Variants in OR2L5 observed in about 807,000 individuals in gnomAD.
OR2L5 encodes olfactory receptor 2L5.
For missense variants in OR2L5, 413 were observed against 381.6 expected (o/e 1.08, Z -0.69); for synonymous variants, 169 against 142.0 (o/e 1.19, Z -1.35).
chr1:248,021,218 A>G (rs1053039715), intron 1 of OR2L5, among the ~76,000 whole-genome samples: 2 of 152,146 alleles, frequency 1.3e-5, no homozygotes, highest in Non-Finnish European at 2.9e-5. Flanking sequence ...AAATGTATAT[A>G]TTTCTTAGAA....
rs1024848537 is a variant in OR2L5, at chr1:248,022,626, A to G, written c.679A>G (p.Met227Val). Residue 227 changes from methionine to valine, a missense_variant, in exon 2 of 2, where the codon ATG becomes GTG. Physicochemically the swap from Met to Val is conservative, Grantham distance 21. Transcript: ENST00000355281. ...YGWVLLAVYR[M>V]HSAEGRKKAY... ...CTGGGTTCTCCTTGCTGTCTACCGC[A>G]TGCACTCTGCAGAAGGGAGGAAAAA... 14 of 1,614,106 alleles carry G rather than the reference A, an allele frequency of 8.7e-6. No homozygotes were observed. Among genetic ancestry groups the G allele is most frequent in the Non-Finnish European group, 1.2e-5 (14 of 1,179,998 alleles).
At chr1:248,021,689 C>G (rs985333120) in intron 1 of OR2L5, among the ~76,000 whole-genome samples, 1 of 152,088 alleles carries the variant, frequency 6.6e-6, no homozygotes, top group Non-Finnish European at 1.5e-5. Context: ...ATTTGCATAA[C>G]TTTTATTAGA....
intron 1 of OR2L5, among the ~76,000 whole-genome samples, chr1:248,018,098 T>C (rs1266924923): frequency 1.4e-5 from 2 of 148,140 alleles, no homozygotes; most frequent in African/African-American, 2.6e-5. Flanking sequence ...GAGCTTGCAG[T>C]GAGCCGAGAT....
Position 248,022,372 on chromosome 1 carries a change from T to C in OR2L5, c.425T>C (p.Leu142Pro). ...PIRMSKRMYVLMITGSWMIGS... is the reference protein window; with the variant it reads ...PIRMSKRMYVPMITGSWMIGS... ...CGTATGAGCAAAAGAATGTATGTGC[T>C]GATGATAACAGGATCTTGGATGATA... is the stretch of plus-strand genomic sequence containing the variant. Residue 142 changes from leucine to proline, a missense_variant, in exon 2 of 2, where the codon CTG becomes CCG. Transcript: ENST00000355281. The C allele has an allele frequency of 6.2e-7, 1 of 1,614,222 alleles. No individual in the cohort carries two copies. Among genetic ancestry groups the C allele is most frequent in the Non-Finnish European group, 8.5e-7 (1 of 1,180,044 alleles).
chr1:248,021,263 A>G (rs568265434), intron 1 of OR2L5, among the ~76,000 whole-genome samples: 1 of 152,246 alleles, frequency 6.6e-6, no homozygotes, highest in Non-Finnish European at 1.5e-5. Flanking sequence ...CTCATCAAAT[A>G]TTAATCTCTG....
intron 1 of OR2L5, among the ~76,000 whole-genome samples, chr1:248,018,932 A>G (rs1662271979): frequency 6.6e-6 from 1 of 152,218 alleles, no homozygotes; most frequent in African/African-American, 2.4e-5. Context: ...TTCACTTTGC[A>G]TAATGTAATC....
In OR2L5 at chr1:248,021,934, C is replaced by T. The variant is rs141972552; in HGVS notation, c.-14C>T. 1,046 of 1,596,196 alleles carry T rather than the reference C, an allele frequency of 6.6e-4. 9 individuals are homozygous for T. The African/African-American group carries it at 0.011, about 17-fold the overall frequency. The stretch of plus-strand genomic sequence containing the variant: ...CCTTGTGTCTCCCTTCAGGAAGGAT[C>T]GTATGAATGCCCCATGGAAAATTAC... On this transcript the variant is annotated 5_prime_UTR_variant, in exon 2 of 2. Transcript: ENST00000355281.
Position 248,022,104 on chromosome 1 carries a change from C to T in OR2L5, c.157C>T (p.His53Tyr). The part of the protein sequence containing the change: ...SMILLIFLDT[H>Y]LHTPMYFLLS... ...GATTCTTCTCATCTTCTTGGACACC[C>T]ATCTCCACACACCCATGTATTTCCT... is the stretch of plus-strand genomic sequence containing the variant. Residue 53 changes from histidine (H) to tyrosine (Y), a missense_variant, in exon 2 of 2, where the codon CAT becomes TAT. By Grantham distance (83) the His-to-Tyr change is moderately conservative. Transcript: ENST00000355281. 2 of 1,613,882 alleles carry T rather than the reference C, an allele frequency of 1.2e-6. No homozygotes were observed. Among genetic ancestry groups the T allele is most frequent in the Non-Finnish European group, 1.7e-6 (2 of 1,179,838 alleles).
In OR2L5 at chr1:248,022,305, G is replaced by A. The variant is rs200026918; in HGVS notation, c.358G>A (p.Asp120Asn). 14 of 1,614,080 alleles carry A rather than the reference G, an allele frequency of 8.7e-6. No individual in the cohort carries two copies. The highest frequency in any genetic ancestry group is 3.3e-4 in the Middle Eastern group (2 of 6,062). ...EALLLTSMAY[D>N]RYVAICFPLH... is the part of the protein sequence containing the mutation. ...GCTGCTCCTGACATCAATGGCCTAT[G>A]ATCGTTATGTGGCCATTTGCTTTCC... Residue 120 changes from aspartate (D) to asparagine (N), a missense_variant, in exon 2 of 2, where the codon GAT (aspartate) becomes AAT (asparagine). By Grantham distance (23) the Asp-to-Asn change is conservative. Transcript: ENST00000355281.
At chr1:248,018,734 C>T (rs553857286) in intron 1 of OR2L5, among the ~76,000 whole-genome samples, 1 of 152,268 alleles carries the variant, frequency 6.6e-6, no homozygotes. Context: ...GCAACCATCA[C>T]CACCATGCAT....
intron 1 of OR2L5, among the ~76,000 whole-genome samples, chr1:248,017,837 A>G (rs2103074664): frequency 6.6e-6 from 1 of 152,278 alleles, no homozygotes; most frequent in South Asian, 2.1e-4. Flanking sequence ...TGTCATACAA[A>G]CTTGCCTTGT....
In OR2L5 at chr1:248,024,210, C is replaced by G. The variant is rs1662418844; in HGVS notation, c.*1324C>G. 6.6e-6 allele frequency: 1 copy of G among 152,004 alleles called. No homozygotes were observed. Among genetic ancestry groups the G allele is most frequent in the African/African-American group, 2.4e-5 (1 of 41,392 alleles). 9.4% of individuals were successfully genotyped at this position (152,004 alleles called of 1,614,324 possible). A position where few individuals can be genotyped will look rare whatever the true frequency, so the allele number is the denominator to read the frequency against. On this transcript the variant is annotated 3_prime_UTR_variant, in exon 2 of 2. Coordinates refer to ENST00000355281, the MANE Select transcript of OR2L5 (RefSeq NM_001258284.2). ...GTATTTGTCCTAATGCTCTCCCTCC[C>G]CTTGCCCAAGAATTTGTAATGATAG...
rs1053159648 is a variant in OR2L5 at position 248,022,119 on chromosome 1, A to G, written c.172A>G (p.Met58Val). Reference sequence around the variant, plus strand: ...CTTGGACACCCATCTCCACACACCCATGTATTTCCTGCTTAGTCAGCTCTC... The same window carrying G: ...CTTGGACACCCATCTCCACACACCCGTGTATTTCCTGCTTAGTCAGCTCTC... ...IFLDTHLHTP[M>V]YFLLSQLSLI... The change falls in exon 2 of 2, where the codon ATG (methionine) becomes GTG (valine). Residue 58 changes from methionine to valine, a missense_variant. Physicochemically the swap from Met to Val is conservative, Grantham distance 21 (BLOSUM62 1). Transcript: ENST00000355281. 4 of 1,613,748 alleles carry G rather than the reference A, an allele frequency of 2.5e-6. No homozygotes were observed. Among genetic ancestry groups the G allele is most frequent in the Non-Finnish European group, 3.4e-6 (4 of 1,179,852 alleles).
chr1:248,023,380 G>A lies in OR2L5; in HGVS notation c.*494G>A, dbSNP rs1662396293. ...CTCAGGATAAATAAGTATGTCTGGGGTGAAGCCAATTTGCCTTTAGTAAAA... is the reference window on the plus strand; with the variant it reads ...CTCAGGATAAATAAGTATGTCTGGGATGAAGCCAATTTGCCTTTAGTAAAA... On this transcript the variant is annotated 3_prime_UTR_variant, in exon 2 of 2. Coordinates refer to ENST00000355281, the MANE Select transcript of OR2L5 (RefSeq NM_001258284.2). The A allele has an allele frequency of 6.6e-6, 1 of 152,148 alleles. No individual in the cohort carries two copies. Among genetic ancestry groups the A allele is most frequent in the South Asian group, 2.1e-4 (1 of 4,826 alleles). The allele number at this position is 152,148 out of a possible 1,614,324, so 9.4% of individuals were successfully genotyped here.
rs776623297 is a variant in OR2L5, at chr1:248,021,970, C to A, written c.23C>A (p.Ser8Ter). The part of the protein sequence containing the change: MENYNQT[S>*]TDFILLGLFP... ...CCCATGGAAAATTACAATCAAACGT[C>A]AACTGATTTCATCTTATTGGGGCTG... Residue 8 changes from serine to a stop codon, truncating the protein, a stop_gained, in exon 2 of 2, where the codon TCA becomes TAA. Transcript: ENST00000355281. LOFTEE classifies it low-confidence loss of function (END_TRUNC). 1.2e-6 allele frequency: 2 copies of A among 1,613,310 alleles called. No homozygotes were observed. Among genetic ancestry groups the A allele is most frequent in the South Asian group, 2.2e-5 (2 of 91,018 alleles).
rs1180422659 is a variant in OR2L5, at chr1:248,022,228, TTGGGTG to T, written c.286_291del (p.Cys96_Gly97del). The T allele has an allele frequency of 1.2e-6, 2 of 1,614,054 alleles. No homozygotes were observed. The highest frequency in any genetic ancestry group is 1.7e-5 in the Admixed American group (1 of 60,000). On this transcript the variant is annotated inframe_deletion, in exon 2 of 2. Transcript: ENST00000355281. ...TATGGAAACAAGTCTATCTCCTTCATTGGGTGTGGGATTCAGAGTTTCTTCTTCATG... is the reference window on the plus strand; with the variant it reads ...TATGGAAACAAGTCTATCTCCTTCATTGGGATTCAGAGTTTCTTCTTCATG...
chr1:248,018,639 G>T (rs940525909), intron 1 of OR2L5, among the ~76,000 whole-genome samples: 17 of 152,124 alleles, frequency 1.1e-4, no homozygotes, highest in African/African-American at 3.4e-4. Context: ...TTTTTAATTA[G>T]AGTAAATATA....
At chr1:248,013,826 A>C (rs1662130378) in intron 1 of OR2L5, 88 bp downstream of exon 1, 1 of 152,180 alleles carries the variant, frequency 6.6e-6, no homozygotes, top group African/African-American at 2.4e-5. Context: ...TTATTTCAGA[A>C]ATCGAACTGA....
chr1:248,022,330 C>G lies in OR2L5; in HGVS notation c.383C>G (p.Pro128Arg). The G allele has an allele frequency of 6.2e-7, 1 of 1,614,154 alleles. No homozygotes were observed. The highest frequency in any genetic ancestry group is 1.6e-4 in the Middle Eastern group (1 of 6,062). The stretch of plus-strand genomic sequence containing the variant: ...GATCGTTATGTGGCCATTTGCTTTC[C>G]TCTCCACTATCCCATCCGTATGAGC... Reference protein sequence around the residue: ...AYDRYVAICFPLHYPIRMSKR... With the variant: ...AYDRYVAICFRLHYPIRMSKR... Residue 128 changes from proline (P) to arginine (R), a missense_variant, in exon 2 of 2, where the codon CCT becomes CGT. Transcript: ENST00000355281.
Sources: gnomAD v4.1 joint callset for allele counts (sites outside exome capture counted in the v4.1 genomes callset) on GRCh38, gnomAD v4.1.1 for gene constraint, MANE v1.5 for transcripts, NCBI Gene and HGNC (gene_info 2026-07-23, HGNC 2026-07-21) for gene names.